NBEAL1: variants seen among roughly 807,000 people sequenced by gnomAD.
NBEAL1 encodes the protein neurobeachin like 1, also known as neurobeachin-like protein 1.
Under a neutral mutation model 351.3 loss-of-function variants are expected in NBEAL1, and 273 were observed. That is an observed-to-expected ratio of 0.78 (90% confidence interval 0.70 to 0.86). NBEAL1 has a LOEUF of 0.86. Among genes scored for constraint, NBEAL1 ranks in the 40% least tolerant of loss-of-function variants. The pLI is 0.00. For missense variants in NBEAL1, 2,961 were observed against 3,201.3 expected (o/e 0.92, Z 1.81); for synonymous variants, 1,050 against 1,086.4 (o/e 0.97, Z 0.66).
rs1003657162 is a variant in NBEAL1, at chr2:203,113,037, G to A, written c.2225G>A (p.Gly742Asp). 1.3e-6 allele frequency: 2 copies of A among 1,506,148 alleles called. No homozygotes were observed. Among genetic ancestry groups the A allele is most frequent in the Non-Finnish European group, 1.8e-6 (2 of 1,125,102 alleles). The allele number at this position is 1,506,148 out of a possible 1,614,324, so 93.3% of individuals were successfully genotyped here. A position where few individuals can be genotyped will look rare whatever the true frequency, so the allele number is the denominator to read the frequency against. Reference sequence around the variant, plus strand: ...TAGCCCTTTACTTCCTGTTGCATTGGTTCAGCTGGGCAAAGAACCACCACT... The same window carrying A: ...TAGCCCTTTACTTCCTGTTGCATTGATTCAGCTGGGCAAAGAACCACCACT... ...MNEPFTSCCI[G>D]SAGQRTTTPP... The change falls in exon 17 of 56, where the codon GGT becomes GAT. Residue 742 changes from glycine to aspartate, a missense_variant. Transcript: ENST00000683969.
chr2:203,041,672 T>G, intron 2 of NBEAL1, 93 bp from the exon 3 acceptor site: 1 of 757,578 alleles, frequency 1.3e-6, no homozygotes, highest in Non-Finnish European at 2.2e-6. Flanking sequence ...GATTTCATAG[T>G]ATTGATTCTT....
Position 203,099,711 on chromosome 2 carries a change from A to C in NBEAL1, c.1268A>C (p.Lys423Thr). 1 of 1,537,796 alleles carries C rather than the reference A, an allele frequency of 6.5e-7. No homozygotes were observed. Among genetic ancestry groups the C allele is most frequent in the Non-Finnish European group, 8.8e-7 (1 of 1,139,850 alleles). Residue 423 changes from lysine (K) to threonine (T), a missense_variant and splice_region_variant, in exon 12 of 56, where the codon AAG becomes ACG. Coordinates refer to ENST00000683969, the MANE Select transcript of NBEAL1 (RefSeq NM_001378026.1). Reference protein sequence around the residue: ...TAVMNKSPAAKEVFKERIGYT... With the variant: ...TAVMNKSPAATEVFKERIGYT... ...GTAATGAACAAATCTCCAGCTGCTA[A>C]GGTGAAACATATATCCTCCAGCTTT...
rs2063833138 is a variant in NBEAL1 at position 203,157,706 on chromosome 2, A to G, written c.5595A>G (p.Gln1865=). The G allele has an allele frequency of 2.5e-6, 4 of 1,584,678 alleles. No homozygotes were observed. The highest frequency in any genetic ancestry group is 2.3e-5 in the East Asian group (1 of 43,806). ...ATTTTGTGTTTAAAACAGGTATCCAACACTCACAGCCTTCCAGTGATACAT... is the reference window on the plus strand; with the variant it reads ...ATTTTGTGTTTAAAACAGGTATCCAGCACTCACAGCCTTCCAGTGATACAT... ...ASALRDNLGI[Q]HSQPSSDTLL... The change falls in exon 36 of 56, where the codon CAA becomes CAG. Residue 1865 remains glutamine, a synonymous_variant. Transcript: ENST00000683969.
chr2:203,106,873 G>A (rs2062451356), intron 12 of NBEAL1, among the ~76,000 whole-genome samples: 1 of 152,116 alleles, frequency 6.6e-6, no homozygotes, highest in South Asian at 2.1e-4. Context: ...AAAAATACAT[G>A]TGACATAGAA....
At chr2:203,146,993 G>C (rs1343418393) in intron 33 of NBEAL1, among the ~76,000 whole-genome samples, 1 of 152,014 alleles carries the variant, frequency 6.6e-6, no homozygotes, top group African/African-American at 2.4e-5. Flanking sequence ...TGTAATCAAA[G>C]CTCTCAGCAA....
intron 10 of NBEAL1, among the ~76,000 whole-genome samples, chr2:203,096,087 G>A (rs1038749707): frequency 4.6e-5 from 7 of 152,154 alleles, no homozygotes; most frequent in African/African-American, 1.7e-4. Flanking sequence ...TCTCTGTTAT[G>A]TGCCAGATAC....
chr2:203,152,247 C>T (rs1048789561), intron 35 of NBEAL1, among the ~76,000 whole-genome samples: 6 of 151,388 alleles, frequency 4.0e-5, no homozygotes, highest in South Asian at 4.2e-4. Context: ...TGTGAGCCAC[C>T]GCACCCAGCC....
At chr2:203,146,497 A>T (rs1289816915) in intron 33 of NBEAL1, among the ~76,000 whole-genome samples, 1 of 152,184 alleles carries the variant, frequency 6.6e-6, no homozygotes, top group Non-Finnish European at 1.5e-5. Context: ...ATACATTTTT[A>T]AAATAATACA....
intron 3 of NBEAL1, among the ~76,000 whole-genome samples, chr2:203,046,376 C>T (rs1240507667): frequency 2.6e-5 from 4 of 152,046 alleles, no homozygotes; most frequent in East Asian, 3.9e-4. Flanking sequence ...CCACCACGCT[C>T]GGCTAATTTT....
intron 37 of NBEAL1, among the ~76,000 whole-genome samples, chr2:203,166,638 C>A (rs183602652): frequency 6.6e-6 from 1 of 152,240 alleles, no homozygotes; most frequent in Non-Finnish European, 1.5e-5. Context: ...CCTCTGCCTC[C>A]CGGGTTCAAG....
rs890658308 is a variant in NBEAL1 at position 203,035,227 on chromosome 2, C to G, written c.52-6538C>G. Among the ~76,000 whole-genome samples, 10 of 149,158 alleles carry G rather than the reference C, an allele frequency of 6.7e-5. 2 individuals are homozygous for G. The highest frequency in any genetic ancestry group is 2.0e-4 in the Admixed American group (3 of 14,808). Reference sequence around the variant, plus strand: ...GTAATCACATGTGACTAGTGGCCCCCATATTGTATAGCACAGCTCTAAGTT... The same window carrying G: ...GTAATCACATGTGACTAGTGGCCCCGATATTGTATAGCACAGCTCTAAGTT... On this transcript the variant is annotated intron_variant, in intron 2 of 55. Coordinates refer to ENST00000683969, the MANE Select transcript of NBEAL1 (RefSeq NM_001378026.1).
intron 42 of NBEAL1, among the ~76,000 whole-genome samples, chr2:203,176,393 G>A (rs967017552): frequency 1.3e-5 from 2 of 151,958 alleles, no homozygotes; most frequent in South Asian, 2.1e-4. Flanking sequence ...GCCTGCCAAA[G>A]TAAGTATCTG....
chr2:203,220,057 T>C lies in NBEAL1; in HGVS notation c.*2703T>C, dbSNP rs1016387422. On this transcript the variant is annotated 3_prime_UTR_variant, in exon 56 of 56. Coordinates refer to ENST00000683969, the MANE Select transcript of NBEAL1 (RefSeq NM_001378026.1). ...ATTGGAAAGAAGTACTTTTGAGAAT[T>C]CTGGTATATTTAGATGTTACCCATA... Among the ~76,000 whole-genome samples, 1 of 152,218 alleles carries C rather than the reference T, an allele frequency of 6.6e-6. No homozygotes were observed. Among genetic ancestry groups the C allele is most frequent in the Non-Finnish European group, 1.5e-5 (1 of 68,042 alleles).
chr2:203,192,200 G>T (rs1386051330), intron 46 of NBEAL1, among the ~76,000 whole-genome samples: 1 of 152,232 alleles, frequency 6.6e-6, no homozygotes, highest in East Asian at 1.9e-4. Flanking sequence ...CAGTCAGAAG[G>T]CGAAAGTAAC....
intron 6 of NBEAL1, among the ~76,000 whole-genome samples, chr2:203,067,492 T>C (rs1385409164): frequency 6.6e-6 from 1 of 152,226 alleles, no homozygotes; most frequent in African/African-American, 2.4e-5. Flanking sequence ...TCAATTGACA[T>C]TTCTTCTTAG....
intron 6 of NBEAL1, among the ~76,000 whole-genome samples, 185 bp downstream of exon 6, chr2:203,057,638 A>G (rs1313169878): frequency 6.6e-6 from 1 of 152,234 alleles, no homozygotes; most frequent in Non-Finnish European, 1.5e-5. Context: ...CTGAATAATT[A>G]CATATGCCCT....
intron 12 of NBEAL1, among the ~76,000 whole-genome samples, chr2:203,106,599 T>C (rs546474015): frequency 6.7e-6 from 1 of 150,094 alleles, no homozygotes; most frequent in Non-Finnish European, 1.5e-5. Context: ...TTGAAAGTTG[T>C]TTTTTTTTGT....
At chr2:203,039,224 C>T (rs2061091000) in intron 2 of NBEAL1, among the ~76,000 whole-genome samples, 1 of 10,470 alleles carries the variant, frequency 9.6e-5, no homozygotes, top group Non-Finnish European at 2.5e-4. Flanking sequence ...CCTTTCCCTT[C>T]CCTTCCCTTC....
chr2:203,072,253 C>T (rs1170047607), intron 7 of NBEAL1, among the ~76,000 whole-genome samples: 2 of 152,134 alleles, frequency 1.3e-5, no homozygotes, highest in South Asian at 4.1e-4. Flanking sequence ...CTTTCTCTGT[C>T]CCCTTTAGTT....
Sources: gnomAD v4.1 joint callset for allele counts (sites outside exome capture counted in the v4.1 genomes callset) on GRCh38, gnomAD v4.1.1 for gene constraint, MANE v1.5 for transcripts, NCBI Gene and HGNC (gene_info 2026-07-23, HGNC 2026-07-21) for gene names.